The following HERC3 variants were observed in gnomAD, a reference collection of about 807,000 sequenced individuals.
The protein encoded by HERC3 is HECT and RLD domain containing E3 ubiquitin protein ligase 3, also known as probable E3 ubiquitin-protein ligase HERC3.
A neutral mutation model predicts 129.9 loss-of-function variants in HERC3; 58 were observed. The ratio of observed to expected loss-of-function variants is 0.45; its 90% CI spans 0.36 to 0.56. The LOEUF is 0.56. HERC3 is among the 20% of genes least tolerant of loss of function. The probability of loss-of-function intolerance (pLI) is 0.00; values close to 1 mark genes in which losing one functional copy is unlikely to be tolerated. For missense variants in HERC3, 835 were observed against 1,244.2 expected, an observed-to-expected ratio of 0.67 and a Z score of 4.95; for synonymous variants, 430 against 451.0, an observed-to-expected ratio of 0.95 and a Z score of 0.59.
the HERC3 span, among the ~76,000 whole-genome samples, chr4:88,556,454 A>C: frequency 6.6e-6 from 1 of 152,328 alleles, no homozygotes; most frequent in South Asian, 2.1e-4. Context: ...CATTTAAAGA[A>C]AAAAAGCAAT....
intron 3 of HERC3, among the ~76,000 whole-genome samples, chr4:88,623,737 CT>C (rs1725795530): frequency 6.6e-6 from 1 of 152,140 alleles, no homozygotes; most frequent in Non-Finnish European, 1.5e-5. Context: ...TATAAAGAAT[CT>C]TGTATATGAT....
rs866354517 is a variant in HERC3, at chr4:88,706,914, G to A, written c.3107G>A (p.Arg1036Gln). 5.0e-6 allele frequency: 8 copies of A among 1,614,034 alleles called. No individual in the cohort carries two copies. The highest frequency in any genetic ancestry group is 1.1e-5 in the South Asian group (1 of 91,082). The change falls in exon 26 of 26, where the codon CGG becomes CAG. Residue 1036 changes from arginine (R) to glutamine (Q), a missense_variant. Coordinates refer to ENST00000402738, the MANE Select transcript of HERC3 (RefSeq NM_014606.3). ...AGCAGCAAAGAGATTCTGAGTGCCC[G>A]GCTGACCCAGGCCCTTGACAACTAT... Reference protein sequence around the residue: ...KYSSKEILSARLTQALDNYEG... With the variant: ...KYSSKEILSAQLTQALDNYEG...
At chr4:88,538,547 T>A in the HERC3 span, among the ~76,000 whole-genome samples, 353 of 78,916 alleles carry the variant, frequency 4.5e-3, 2 homozygotes, top group African/African-American at 0.044. Flanking sequence ...AATTTCCTCT[T>A]TTTTTTTTTT....
the HERC3 span, among the ~76,000 whole-genome samples, chr4:88,572,241 C>G: frequency 5.9e-5 from 9 of 151,774 alleles, no homozygotes; most frequent in East Asian, 1.4e-3. Flanking sequence ...CCAGACAACA[C>G]AGTGAGATCT....
In HERC3 at chr4:88,706,732, C is replaced by G; in HGVS notation, c.2945-20C>G. ...TTTTCCGTTTGCTTAGCTGCTAATGCCATTTCTCGTTCTCCCCAGTGTTCC... is the reference window on the plus strand; with the variant it reads ...TTTTCCGTTTGCTTAGCTGCTAATGGCATTTCTCGTTCTCCCCAGTGTTCC... On this transcript the variant is annotated intron_variant, in intron 25 of 25. Transcript: ENST00000402738. The G allele has an allele frequency of 1.2e-6, 2 of 1,608,310 alleles. No homozygotes were observed. Among genetic ancestry groups the G allele is most frequent in the Non-Finnish European group, 1.7e-6 (2 of 1,175,010 alleles).
chr4:88,703,450 A>G (rs1053383244), intron 23 of HERC3, among the ~76,000 whole-genome samples: 24 of 152,090 alleles, frequency 1.6e-4, no homozygotes, highest in Admixed American at 6.5e-5. Context: ...CCAACTGCCT[A>G]TGAGGTTTCT....
In HERC3 at chr4:88,649,945, G is replaced by T; in HGVS notation, c.332G>T (p.Gly111Val). The change falls in exon 4 of 26, where the codon GGG (glycine) becomes GTG (valine). Residue 111 changes from glycine (G) to valine (V), a missense_variant. By Grantham distance (109) the Gly-to-Val change is moderately radical. Coordinates refer to ENST00000402738, the MANE Select transcript of HERC3 (RefSeq NM_014606.3). ...GGCCAGCTGTTTTCTTGGGGTGCAG[G>T]GAGTGATGGTCAGCTAGGACTCATG... The part of the protein sequence containing the change: ...DRGQLFSWGA[G>V]SDGQLGLMTT... The T allele has an allele frequency of 6.2e-7, 1 of 1,614,102 alleles. No homozygotes were observed. Among genetic ancestry groups the T allele is most frequent in the Non-Finnish European group, 8.5e-7 (1 of 1,179,992 alleles).
chr4:88,598,394 C>T (rs915915338), intron 2 of HERC3, among the ~76,000 whole-genome samples: 1 of 152,188 alleles, frequency 6.6e-6, no homozygotes, highest in Non-Finnish European at 1.5e-5. Flanking sequence ...CTATCAACCT[C>T]AAATCCCTTT....
At chr4:88,573,384 A>G in the HERC3 span, among the ~76,000 whole-genome samples, 156 of 152,338 alleles carry the variant, frequency 1.0e-3, no homozygotes, top group Middle Eastern at 0.024. Flanking sequence ...CTGAACATTT[A>G]AAATCTGAAA....
chr4:88,645,176 G>A (rs979433299), intron 3 of HERC3, among the ~76,000 whole-genome samples: 5 of 152,138 alleles, frequency 3.3e-5, no homozygotes, highest in Admixed American at 2.6e-4. Flanking sequence ...AGTCAGGAGA[G>A]CAGAGTATAG....
At chr4:88,690,291 A>C (rs1733942441) in intron 23 of HERC3, 1 of 982,714 alleles carries the variant, frequency 1.0e-6, no homozygotes, top group Non-Finnish European at 1.2e-6. Flanking sequence ...TAATGTTTTT[A>C]GAATTGGGAA....
chr4:88,637,002 G>A (rs139819205), intron 3 of HERC3, among the ~76,000 whole-genome samples: 89 of 152,220 alleles, frequency 5.8e-4, no homozygotes, highest in Middle Eastern at 3.4e-3. Context: ...GGCAGTGTGC[G>A]CCTGTAGTCC....
At chr4:88,644,406 C>G (rs1728471619) in intron 3 of HERC3, among the ~76,000 whole-genome samples, 1 of 152,140 alleles carries the variant, frequency 6.6e-6, no homozygotes, top group African/African-American at 2.4e-5. Flanking sequence ...ATCCATTATA[C>G]AGTGGAATAC....
chr4:88,675,615 G>GT (rs1273277256), intron 16 of HERC3, among the ~76,000 whole-genome samples: 1 of 151,818 alleles, frequency 6.6e-6, no homozygotes, highest in Non-Finnish European at 1.5e-5. Flanking sequence ...GTGGTTGTGG[G>GT]TTTTTTACCA....
intron 23 of HERC3, among the ~76,000 whole-genome samples, chr4:88,698,330 A>C (rs1019123432): frequency 2.0e-5 from 3 of 152,014 alleles, no homozygotes; most frequent in Non-Finnish European, 2.9e-5. Flanking sequence ...TGGATAGGGC[A>C]GCTTGCATAT....
the HERC3 span, among the ~76,000 whole-genome samples, chr4:88,569,278 G>A: frequency 3.9e-5 from 6 of 152,112 alleles, no homozygotes; most frequent in Admixed American, 3.3e-4. Context: ...CCACAATCCC[G>A]GCACTCTCCT....
the HERC3 span, among the ~76,000 whole-genome samples, chr4:88,532,403 A>G: frequency 1.3e-5 from 2 of 152,326 alleles, no homozygotes; most frequent in South Asian, 4.1e-4. Context: ...CAGCACCAGT[A>G]TCTGAGGGCA....
chr4:88,593,829 A>G (rs1224328682), intron 1 of HERC3, among the ~76,000 whole-genome samples: 1 of 152,226 alleles, frequency 6.6e-6, no homozygotes, highest in Non-Finnish European at 1.5e-5. Flanking sequence ...ATCGGGTATC[A>G]TGTTTTAGTC....
chr4:88,634,564 G>T (rs1467925473), intron 3 of HERC3, among the ~76,000 whole-genome samples: 1 of 152,186 alleles, frequency 6.6e-6, no homozygotes, highest in African/African-American at 2.4e-5. Context: ...CCTCCTGCGA[G>T]CACTGACGAA....
Sources: allele counts gnomAD v4.1 joint callset (sites outside exome capture counted in the v4.1 genomes callset), GRCh38; gene constraint gnomAD v4.1.1; transcripts MANE v1.5; gene names NCBI Gene and HGNC (gene_info 2026-07-23, HGNC 2026-07-21).